Variants in EBF1 observed in about 807,000 individuals in gnomAD.
The protein encoded by EBF1 is transcription factor COE1.
EBF1 carries 10 observed loss-of-function variants against 68.4 expected under a neutral mutation model. The observed-to-expected ratio is 0.15, with a 90% confidence interval of 0.09 to 0.25. The LOEUF is 0.25. EBF1 is among the 10% of genes least tolerant of loss of function. The probability of loss-of-function intolerance (pLI) is 1.00; values close to 1 mark genes in which losing one functional copy is unlikely to be tolerated. For synonymous variants in EBF1, 298 were observed against 299.8 expected (o/e 0.99, Z 0.06); for missense variants, 509 against 794.4 (o/e 0.64, Z 4.32).
intron 6 of EBF1, among the ~76,000 whole-genome samples, chr5:158,935,298 T>A (rs1312441607): frequency 6.6e-6 from 1 of 151,968 alleles, no homozygotes; most frequent in African/African-American, 2.4e-5. Context: ...TAAGGTGAAC[T>A]CAGAGAGCAC....
chr5:158,804,332 C>G (rs933370314), intron 8 of EBF1, among the ~76,000 whole-genome samples: 8 of 151,920 alleles, frequency 5.3e-5, no homozygotes, highest in African/African-American at 1.5e-4. Flanking sequence ...ATAGACTAAG[C>G]CCAAATTATA....
At position 158,955,874 on chromosome 5, in the gene EBF1, CAA is replaced by C. The variant is rs577515589; in HGVS notation, c.555-115766_555-115765del. The stretch of plus-strand genomic sequence containing the variant: ...AGCCAGCAGCTGAAAGGAAGAGTAG[CAA>C]AGAGTTGCTTAGCAATGGCTTACCA... On this transcript the variant is annotated intron_variant, in intron 6 of 15. Transcript: ENST00000313708. 5.8e-4 allele frequency among the ~76,000 whole-genome samples: 89 copies of C among 152,268 alleles called. 1 individual carries two copies. The highest frequency in any genetic ancestry group is 2.1e-3 in the African/African-American group (87 of 41,530).
At chr5:158,929,478 A>T (rs1475143773) in intron 6 of EBF1, among the ~76,000 whole-genome samples, 1 of 152,242 alleles carries the variant, frequency 6.6e-6, no homozygotes, top group African/African-American at 2.4e-5. Flanking sequence ...ACTTCTGAAC[A>T]AACTATATTT....
At chr5:158,891,998 T>G (rs1391018087) in intron 6 of EBF1, among the ~76,000 whole-genome samples, 1 of 152,206 alleles carries the variant, frequency 6.6e-6, no homozygotes, top group African/African-American at 2.4e-5. Flanking sequence ...CTTTATGGAT[T>G]TCATCCACAA....
intron 6 of EBF1, among the ~76,000 whole-genome samples, chr5:158,892,996 TC>T (rs11300487): frequency 0.16 from 25,054 of 152,164 alleles, 2,106 homozygotes; most frequent in Non-Finnish European, 0.19. Flanking sequence ...GCTGATCTTT[TC>T]TAAACAGTTT....
chr5:159,065,602 G>A (rs1016448545), intron 6 of EBF1, among the ~76,000 whole-genome samples: 1 of 151,622 alleles, frequency 6.6e-6, no homozygotes, highest in African/African-American at 2.4e-5. Context: ...AGCAGCAAAT[G>A]AGCAAAAAAG....
chr5:158,975,439 CT>C (rs1166420477), intron 6 of EBF1, among the ~76,000 whole-genome samples: 1 of 152,074 alleles, frequency 6.6e-6, no homozygotes, highest in African/African-American at 2.4e-5. Context: ...GTTGTGAATG[CT>C]GTGTGGTGTC....
intron 6 of EBF1, among the ~76,000 whole-genome samples, chr5:158,953,042 G>A (rs1194514880): frequency 6.6e-6 from 1 of 151,212 alleles, no homozygotes; most frequent in Non-Finnish European, 1.5e-5. Flanking sequence ...CTAGTAAACA[G>A]TCAAGAGTTA....
rs1220746900 is a variant in EBF1, at chr5:158,798,907, C to T, written c.779-2432G>A. On this transcript the variant is annotated intron_variant, in intron 8 of 15. Coordinates refer to ENST00000313708, the MANE Select transcript of EBF1 (RefSeq NM_024007.5). ...TCTACACTCAGCACCATCCACCATC[C>T]CTGCTTCGAGACTATATGCCATTCT... Among the ~76,000 whole-genome samples the T allele has an allele frequency of 2.0e-5, 3 of 152,256 alleles. No individual in the cohort carries two copies. The East Asian group carries it at 5.8e-4, about 29-fold the overall frequency.
chr5:158,722,594 G>A (rs1413443324), intron 11 of EBF1, among the ~76,000 whole-genome samples: 1 of 152,142 alleles, frequency 6.6e-6, no homozygotes, highest in East Asian at 1.9e-4. Context: ...GATACATAAG[G>A]GAGGCAAAAA....
At chr5:158,819,426 A>G (rs1784387772) in intron 8 of EBF1, among the ~76,000 whole-genome samples, 1 of 152,226 alleles carries the variant, frequency 6.6e-6, no homozygotes, top group Admixed American at 6.5e-5. Flanking sequence ...CAGTGTTGTG[A>G]GGGCACCGCA....
intron 9 of EBF1, among the ~76,000 whole-genome samples, chr5:158,792,909 A>C (rs1293635331): frequency 6.6e-6 from 1 of 152,188 alleles, no homozygotes; most frequent in Non-Finnish European, 1.5e-5. Context: ...CTGACCTTGG[A>C]AGGTAACAGC....
intron 8 of EBF1, among the ~76,000 whole-genome samples, chr5:158,804,033 A>G (rs2127770422): frequency 6.9e-6 from 1 of 145,128 alleles, no homozygotes; most frequent in South Asian, 2.4e-4. Context: ...AGATCTCTCC[A>G]TACTAGATGC....
intron 6 of EBF1, among the ~76,000 whole-genome samples, chr5:159,069,609 A>G (rs1225559199): frequency 6.6e-6 from 1 of 152,190 alleles, no homozygotes; most frequent in Non-Finnish European, 1.5e-5. Context: ...CAGTTCCGAC[A>G]TTTATTAAAA....
intron 8 of EBF1, among the ~76,000 whole-genome samples, chr5:158,808,387 C>T (rs1781987280): frequency 2.0e-5 from 3 of 152,096 alleles, no homozygotes; most frequent in African/African-American, 7.2e-5. Flanking sequence ...ATTAACCTTC[C>T]TCAAATACCA....
At chr5:158,751,942 A>G (rs7730340) in intron 10 of EBF1, among the ~76,000 whole-genome samples, 43,068 of 151,786 alleles carry the variant, frequency 0.28, 6,559 homozygotes, top group African/African-American at 0.37. Flanking sequence ...TGGTTTTTTT[A>G]TACTGCCAAA....
At chr5:158,719,030 T>G (rs1232557713) in intron 11 of EBF1, among the ~76,000 whole-genome samples, 1 of 152,236 alleles carries the variant, frequency 6.6e-6, no homozygotes, top group Non-Finnish European at 1.5e-5. Flanking sequence ...ATACAGTTAC[T>G]GATTTTTAAA....
intron 6 of EBF1, among the ~76,000 whole-genome samples, chr5:158,954,830 G>A (rs1816736720): frequency 6.6e-6 from 1 of 152,162 alleles, no homozygotes; most frequent in East Asian, 1.9e-4. Context: ...AAGAGACTAA[G>A]GCACTAATGC....
At chr5:158,802,125 G>T (rs904725467) in intron 8 of EBF1, among the ~76,000 whole-genome samples, 1 of 152,028 alleles carries the variant, frequency 6.6e-6, no homozygotes, top group African/African-American at 2.4e-5. Flanking sequence ...CTATCAGCAG[G>T]GCCCTAGGGC....
Sources: gnomAD v4.1 joint callset for allele counts (sites outside exome capture counted in the v4.1 genomes callset) on GRCh38, gnomAD v4.1.1 for gene constraint, MANE v1.5 for transcripts, NCBI Gene and HGNC (gene_info 2026-07-23, HGNC 2026-07-21) for gene names.